The following ZNF236 variants were observed in gnomAD, a reference collection of about 807,000 sequenced individuals.
ZNF236 encodes regulated by glucose.
Under a neutral mutation model 191.2 loss-of-function variants are expected in ZNF236, and 50 were observed. The ratio of observed to expected loss-of-function variants is 0.26; its 90% CI spans 0.21 to 0.33. The LOEUF (loss-of-function observed/expected upper bound fraction) is 0.33. Among genes scored for constraint, ZNF236 ranks in the 10% least tolerant of loss-of-function variants. The pLI, the probability that ZNF236 is intolerant of heterozygous loss-of-function variation, is 1.00. For missense variants in ZNF236, 1,754 were observed against 2,374.5 expected (o/e 0.74, Z 5.43); for synonymous variants, 907 against 928.8 (o/e 0.98, Z 0.43).
chr18:76,959,634 G>C, intron 28 of ZNF236, 53 bp from the exon 29 acceptor site: 1 of 1,550,208 alleles, frequency 6.5e-7, no homozygotes, highest in Non-Finnish European at 8.7e-7. Context: ...CTTGTTTCTA[G>C]TCTCGAAAGC....
chr18:76,933,475 A>T (rs1373922421), intron 25 of ZNF236, among the ~76,000 whole-genome samples: 1 of 152,076 alleles, frequency 6.6e-6, no homozygotes, highest in African/African-American at 2.4e-5. Flanking sequence ...AGAAGAAAAA[A>T]AAAAAGAGTC....
At chr18:76,958,756 TG>T (rs1968587663) in intron 28 of ZNF236, among the ~76,000 whole-genome samples, 1 of 152,186 alleles carries the variant, frequency 6.6e-6, no homozygotes, top group Admixed American at 6.5e-5. Flanking sequence ...TCTGCAGTGC[TG>T]GGAAGGCTCC....
Position 76,925,837 on chromosome 18 carries a change from A to G in ZNF236, c.4027+283A>G, listed in dbSNP as rs1268863075. Among the ~76,000 whole-genome samples the G allele has an allele frequency of 6.6e-6, 1 of 152,198 alleles. No homozygotes were observed. The highest frequency in any genetic ancestry group is 2.4e-5 in the African/African-American group (1 of 41,450). On this transcript the variant is annotated intron_variant, in intron 22 of 30. Coordinates refer to ENST00000320610, the MANE Select transcript of ZNF236 (RefSeq NM_001306089.2). This position sits in a 1 kb window ranked among gnomAD's most constrained non-coding sequence, Gnocchi z 5.7. ...GTAAACCTGTTTTTACTCAGTTGGC[A>G]TTCTCATAAATTTAGTAGTGAGAAG...
Position 76,960,931 on chromosome 18 carries a change from C to CT in ZNF236, c.5419+79dup. 1 of 1,456,294 alleles carries CT rather than the reference C, an allele frequency of 6.9e-7. No individual in the cohort carries two copies. Among genetic ancestry groups the CT allele is most frequent in the South Asian group, 1.4e-5 (1 of 74,030 alleles). The allele number at this position is 1,456,294 out of a possible 1,614,324, so 90.2% of individuals were successfully genotyped here. On this transcript the variant is annotated intron_variant, in intron 30 of 30. Coordinates refer to ENST00000320610, the MANE Select transcript of ZNF236 (RefSeq NM_001306089.2). The surrounding 1 kb of genome is among the most constrained non-coding windows in gnomAD (Gnocchi z 4.4). ...CCCTGTGTTTCGCATACATTGTTTC[C>CT]TTTAGTTCACACAGTGATTTTGCAT...
At chr18:76,943,217 A>G (rs969377184) in intron 26 of ZNF236, among the ~76,000 whole-genome samples, 1 of 152,024 alleles carries the variant, frequency 6.6e-6, no homozygotes, top group Non-Finnish European at 1.5e-5. Flanking sequence ...ATTCTAATTT[A>G]AAACTTGAAA....
intron 17 of ZNF236, among the ~76,000 whole-genome samples, chr18:76,912,713 T>C (rs991812754): frequency 3.9e-5 from 6 of 152,226 alleles, no homozygotes; most frequent in African/African-American, 1.4e-4. Flanking sequence ...CATATAACAA[T>C]CTGTGTACCA....
chr18:76,934,808 T>G (rs191108448), intron 25 of ZNF236, among the ~76,000 whole-genome samples: 1 of 152,348 alleles, frequency 6.6e-6, no homozygotes, highest in East Asian at 1.9e-4. Flanking sequence ...ACATTTCAGT[T>G]AATCGCAAGA....
chr18:76,946,181 C>CA (rs1968256846), intron 26 of ZNF236, among the ~76,000 whole-genome samples: 1 of 152,160 alleles, frequency 6.6e-6, no homozygotes, highest in Non-Finnish European at 1.5e-5. Flanking sequence ...GCAAGTCTTT[C>CA]CCTTGCTGTT....
At chr18:76,830,983 G>A (rs1387183598) in intron 1 of ZNF236, among the ~76,000 whole-genome samples, 1 of 152,198 alleles carries the variant, frequency 6.6e-6, no homozygotes, top group African/African-American at 2.4e-5. Flanking sequence ...ATAATATGGA[G>A]CAGATAGTAT....
chr18:76,897,103 A>G (rs181320280), intron 10 of ZNF236, among the ~76,000 whole-genome samples: 70 of 151,826 alleles, frequency 4.6e-4, no homozygotes, highest in Middle Eastern at 6.8e-3. Context: ...GGGACTGCAC[A>G]CAGTACTACA....
chr18:76,838,881 C>T (rs1207104131), intron 1 of ZNF236, among the ~76,000 whole-genome samples: 3 of 152,196 alleles, frequency 2.0e-5, no homozygotes, highest in Admixed American at 1.3e-4. Context: ...TGTGCTCCAT[C>T]CCAGTAAGGA....
intron 7 of ZNF236, among the ~76,000 whole-genome samples, chr18:76,878,595 C>T (rs1433959929): frequency 6.6e-6 from 1 of 150,510 alleles, no homozygotes. Flanking sequence ...ATACATATGC[C>T]TACACACAGA....
At chr18:76,859,444 T>A (rs1442943766) in intron 3 of ZNF236, among the ~76,000 whole-genome samples, 5 of 152,156 alleles carry the variant, frequency 3.3e-5, no homozygotes. Context: ...TATGATCTAG[T>A]AAGTATTTCT....
intron 26 of ZNF236, among the ~76,000 whole-genome samples, chr18:76,941,166 G>A (rs1234121162): frequency 6.6e-6 from 1 of 152,186 alleles, no homozygotes; most frequent in African/African-American, 2.4e-5. Context: ...CAGGAGCCTT[G>A]TGAGCGGGCA....
rs1968840990 is a variant in ZNF236 at position 76,968,551 on chromosome 18, A to G, written c.*212A>G. 1 of 1,329,450 alleles carries G rather than the reference A, an allele frequency of 7.5e-7. No homozygotes were observed. The highest frequency in any genetic ancestry group is 1.5e-5 in the African/African-American group (1 of 65,074). 82.4% of individuals were successfully genotyped at this position (1,329,450 alleles called of 1,614,324 possible). On this transcript the variant is annotated 3_prime_UTR_variant, in exon 31 of 31. Transcript: ENST00000320610. Reference sequence around the variant, plus strand: ...ACCGCATTGTTCTCTTTTGTCTACAAATCACTGAACTCAGGTACTACTGTA... The same window carrying G: ...ACCGCATTGTTCTCTTTTGTCTACAGATCACTGAACTCAGGTACTACTGTA...
At chr18:76,896,983 G>A (rs765742625) in intron 10 of ZNF236, among the ~76,000 whole-genome samples, 1 of 151,338 alleles carries the variant, frequency 6.6e-6, no homozygotes, top group Non-Finnish European at 1.5e-5. Context: ...AACATACACA[G>A]TACTGCACTT....
intron 25 of ZNF236, among the ~76,000 whole-genome samples, chr18:76,928,413 G>A (rs1967764229): frequency 6.6e-6 from 1 of 152,206 alleles, no homozygotes; most frequent in Admixed American, 6.5e-5. Context: ...AGAAAGCGTA[G>A]CTTTGTGGTT....
chr18:76,895,388 GGTACTGCACACAA>G (rs1395851037), intron 10 of ZNF236, 103 bp downstream of exon 10: 3 of 1,458,452 alleles, frequency 2.1e-6, no homozygotes, highest in Non-Finnish European at 2.8e-6. Context: ...TAGGCACACA[GGTACTGCACACAA>G]GTACTGCTCA....
chr18:76,956,484 TTGA>T (rs2122950944), intron 28 of ZNF236, among the ~76,000 whole-genome samples: 1 of 151,978 alleles, frequency 6.6e-6, no homozygotes, highest in South Asian at 2.1e-4. Flanking sequence ...GCACCTGTTG[TTGA>T]GGCTGTGGGG....
Sources: gnomAD v4.1 joint callset for allele counts (sites outside exome capture counted in the v4.1 genomes callset) on GRCh38, gnomAD v4.1.1 for gene constraint, Gnocchi (gnomAD v3.1) non-coding constraint, MANE v1.5 for transcripts, NCBI Gene and HGNC (gene_info 2026-07-23, HGNC 2026-07-21) for gene names.